Variants in VCL observed in about 807,000 individuals in gnomAD.
The protein encoded by VCL is epididymis luminal protein 114.
Under a neutral mutation model 125.7 loss-of-function variants are expected in VCL, and 47 were observed. That is an observed-to-expected ratio of 0.37 (90% CI 0.30 to 0.48). The LOEUF (loss-of-function observed/expected upper bound fraction) is 0.48. Among genes scored for constraint, VCL ranks in the 20% least tolerant of loss-of-function variants. The probability of loss-of-function intolerance (pLI) is 0.99; values close to 1 mark genes in which losing one functional copy is unlikely to be tolerated. For missense variants in VCL, 1,069 were observed against 1,455.5 expected (o/e 0.73, Z 4.32); for synonymous variants, 458 against 514.6 (o/e 0.89, Z 1.49).
intron 1 of VCL, among the ~76,000 whole-genome samples, chr10:74,002,262 A>G (rs1221143606): frequency 6.6e-6 from 1 of 152,256 alleles, no homozygotes; most frequent in South Asian, 2.1e-4. Flanking sequence ...AGTAGCTGGG[A>G]TTACAGGCAT....
At position 74,036,072 on chromosome 10, in the gene VCL, G is replaced by T. The variant is rs910510648; in HGVS notation, c.169-7011G>T. The stretch of plus-strand genomic sequence containing the variant: ...GGGGTCATGGAACCAATTCTCCATA[G>T]ATACCAAGAGACATGACTATATTTA... On this transcript the variant is annotated intron_variant, in intron 1 of 21. Coordinates refer to ENST00000211998, the MANE Select transcript of VCL (RefSeq NM_014000.3). Among the ~76,000 whole-genome samples the T allele has an allele frequency of 2.0e-5, 3 of 152,198 alleles. No individual in the cohort carries two copies. In the East Asian group the frequency reaches 5.8e-4, roughly 29 times the overall value.
intron 5 of VCL, 65 bp downstream of exon 5, chr10:74,072,917 T>C: frequency 8.7e-6 from 14 of 1,605,566 alleles, no homozygotes; most frequent in Non-Finnish European, 1.2e-5. Context: ...AACTCTGAGG[T>C]TCATTTTGTT....
chr10:74,073,768 C>G (rs545705212), intron 5 of VCL, among the ~76,000 whole-genome samples: 3 of 152,106 alleles, frequency 2.0e-5, no homozygotes, highest in Non-Finnish European at 4.4e-5. Context: ...CTAGTATATG[C>G]CAGACAGCTC....
At chr10:74,044,374 G>T (rs1214087696) in intron 2 of VCL, among the ~76,000 whole-genome samples, 1 of 152,092 alleles carries the variant, frequency 6.6e-6, no homozygotes, top group Non-Finnish European at 1.5e-5. Flanking sequence ...ACTCATAGAA[G>T]TCAATAAGAA....
chr10:73,998,246 G>T lies in VCL; in HGVS notation c.39G>T (p.Leu13=), dbSNP rs759312175. 6.2e-7 allele frequency: 1 copy of T among 1,612,844 alleles called. No homozygotes were observed. The highest frequency in any genetic ancestry group is 1.1e-5 in the South Asian group (1 of 90,854). Reference sequence around the variant, plus strand: ...ATACGCGCACGATCGAGAGCATCCTGGAGCCGGTGGCACAGCAGATCTCCC... The same window carrying T: ...ATACGCGCACGATCGAGAGCATCCTTGAGCCGGTGGCACAGCAGATCTCCC... The part of the protein sequence containing the change: ...VFHTRTIESI[L]EPVAQQISHL... The change falls in exon 1 of 22, where the codon CTG becomes CTT. Residue 13 remains leucine (L), a synonymous_variant. Coordinates refer to ENST00000211998, the MANE Select transcript of VCL (RefSeq NM_014000.3).
At chr10:74,041,737 CAAA>C (rs397969218) in intron 1 of VCL, among the ~76,000 whole-genome samples, 1 of 136,816 alleles carries the variant, frequency 7.3e-6, no homozygotes, top group African/African-American at 2.8e-5. Flanking sequence ...ACTAAAAATC[CAAA>C]AAAAAAAAAA....
chr10:74,072,710 A>G lies in VCL; in HGVS notation c.500-20A>G. The G allele has an allele frequency of 6.2e-7, 1 of 1,613,788 alleles. No individual in the cohort carries two copies. Among genetic ancestry groups the G allele is most frequent in the Non-Finnish European group, 8.5e-7 (1 of 1,179,886 alleles). On this transcript the variant is annotated intron_variant, in intron 4 of 21. Transcript: ENST00000211998. Reference sequence around the variant, plus strand: ...ATTGTTTCACTACTCACCCTGCACAATTTCTTCTTTGTGCCCCAGGAATGA... The same window carrying G: ...ATTGTTTCACTACTCACCCTGCACAGTTTCTTCTTTGTGCCCCAGGAATGA...
chr10:74,045,478 C>G (rs984850720), intron 2 of VCL, among the ~76,000 whole-genome samples: 3 of 151,966 alleles, frequency 2.0e-5, no homozygotes, highest in Non-Finnish European at 4.4e-5. Context: ...TAAAAATTAG[C>G]CAGGCGTGGT....
chr10:74,046,710 G>T (rs949118035), intron 2 of VCL, among the ~76,000 whole-genome samples: 4 of 152,178 alleles, frequency 2.6e-5, no homozygotes, highest in African/African-American at 9.7e-5. Flanking sequence ...TTTCACTATC[G>T]GGTAGGTAGT....
intron 10 of VCL, among the ~76,000 whole-genome samples, chr10:74,093,486 T>C (rs1483759568): frequency 1.3e-5 from 2 of 152,122 alleles, no homozygotes; most frequent in African/African-American, 4.8e-5. Context: ...TTAAATAATA[T>C]AAGGCAACTG....
chr10:74,007,228 C>G (rs1284258171), intron 1 of VCL, among the ~76,000 whole-genome samples: 1 of 152,182 alleles, frequency 6.6e-6, no homozygotes, highest in Admixed American at 6.6e-5. Context: ...ATCCACCTGC[C>G]TTGGCCTCCC....
intron 8 of VCL, among the ~76,000 whole-genome samples, chr10:74,087,160 C>T (rs918281660): frequency 6.6e-6 from 1 of 151,946 alleles, no homozygotes; most frequent in African/African-American, 2.4e-5. Context: ...ACTATGTTTC[C>T]TAAAAGTCTT....
chr10:74,088,130 A>T (rs1306308096), intron 8 of VCL, among the ~76,000 whole-genome samples: 1 of 152,260 alleles, frequency 6.6e-6, no homozygotes, highest in African/African-American at 2.4e-5. Context: ...CAGCCATGCC[A>T]TTCTACCAAA....
intron 19 of VCL, 89 bp from the exon 20 acceptor site, chr10:74,114,095 G>A (rs1840272894): frequency 1.3e-6 from 2 of 1,504,496 alleles, no homozygotes; most frequent in Non-Finnish European, 9.1e-7. Flanking sequence ...AAGGTGGCAA[G>A]CTCCCTCCTC....
chr10:74,081,164 A>G (rs925242944), intron 6 of VCL, among the ~76,000 whole-genome samples: 6 of 152,080 alleles, frequency 3.9e-5, no homozygotes, highest in Non-Finnish European at 8.8e-5. Flanking sequence ...TTTCATTGCT[A>G]TAGCTGAGAA....
At chr10:74,117,564 G>C (rs1168078037) in intron 21 of VCL, among the ~76,000 whole-genome samples, 3 of 152,142 alleles carry the variant, frequency 2.0e-5, no homozygotes, top group Admixed American at 1.3e-4. Context: ...TGAGGCAGGA[G>C]GATCCTTGAG....
chr10:74,058,298 A>T (rs1841421706), intron 2 of VCL, among the ~76,000 whole-genome samples: 1 of 152,158 alleles, frequency 6.6e-6, no homozygotes, highest in South Asian at 2.1e-4. Context: ...GTGTCGTCGT[A>T]GCCTTGTTTG....
chr10:74,114,072 C>A (rs1429531836), intron 19 of VCL, 112 bp from the exon 20 acceptor site: 2 of 1,259,342 alleles, frequency 1.6e-6, no homozygotes, highest in Non-Finnish European at 1.1e-6. Context: ...TCTCACCCTT[C>A]CGGAGGGATG....
chr10:74,068,619 G>A (rs534558994), intron 2 of VCL, among the ~76,000 whole-genome samples: 4 of 152,186 alleles, frequency 2.6e-5, no homozygotes, highest in South Asian at 2.1e-4. Flanking sequence ...GCCACCATGC[G>A]CGGCCCTCTT....
Sources: gnomAD v4.1 joint callset for allele counts (sites outside exome capture counted in the v4.1 genomes callset) on GRCh38, gnomAD v4.1.1 for gene constraint, MANE v1.5 for transcripts, NCBI Gene and HGNC (gene_info 2026-07-23, HGNC 2026-07-21) for gene names.